Variants in FYB2 observed in about 807,000 individuals in gnomAD.
FYB2 encodes the protein FYN binding protein 2, also known as FYN-binding protein 2.
Under a neutral mutation model 94.1 loss-of-function variants are expected in FYB2, and 103 were observed. That is an observed-to-expected ratio of 1.09 (90% confidence interval 0.93 to 1.29). The LOEUF (loss-of-function observed/expected upper bound fraction) is 1.29, where lower values mean the gene tolerates loss of function less well. Ranked by LOEUF, FYB2 falls within the 50% of genes most tolerant of loss-of-function variation. FYB2 has a pLI of 0.00. For synonymous variants in FYB2, 293 were observed against 287.9 expected, an observed-to-expected ratio of 1.02 and a Z score of -0.18; for missense variants, 896 against 841.5, an observed-to-expected ratio of 1.06 and a Z score of -0.80.
chr1:56,753,694 A>C (rs1317111256), intron 8 of FYB2, 145 bp downstream of exon 8: 1 of 610,116 alleles, frequency 1.6e-6, no homozygotes, highest in African/African-American at 1.9e-5. Context: ...TGTCATTGTT[A>C]CATTTATTTC....
At chr1:56,776,808 A>G (rs1203303078) in intron 4 of FYB2, among the ~76,000 whole-genome samples, 4 of 152,178 alleles carry the variant, frequency 2.6e-5, no homozygotes, top group Non-Finnish European at 5.9e-5. Flanking sequence ...TTACAAACAA[A>G]CAACAAATCT....
chr1:56,790,405 T>C (rs1646233022), intron 2 of FYB2, among the ~76,000 whole-genome samples: 1 of 152,254 alleles, frequency 6.6e-6, no homozygotes, highest in Non-Finnish European at 1.5e-5. Context: ...ATACTAATTA[T>C]CACTAATTGG....
rs1300794822 is a variant in FYB2, at chr1:56,757,750, C to A, written c.1098+966G>T. 1.4e-4 allele frequency among the ~76,000 whole-genome samples: 10 copies of A among 71,574 alleles called. No individual in the cohort carries two copies. In the Admixed American group the frequency reaches 1.5e-3, roughly 11 times the overall value. 47.0% of individuals were successfully genotyped at this position (71,574 alleles called of 152,430 possible). A position where few individuals can be genotyped will look rare whatever the true frequency, so the allele number is the denominator to read the frequency against. On this transcript the variant is annotated intron_variant, in intron 6 of 19. Transcript: ENST00000343433. ...TCTTTCTTTCATTCTTTCTTTCTTT[C>A]TTTCTTTTCATTCTTTCTTTTTCTT...
intron 8 of FYB2, among the ~76,000 whole-genome samples, chr1:56,753,209 G>T (rs1039779477): frequency 5.3e-5 from 8 of 152,054 alleles, no homozygotes; most frequent in African/African-American, 1.9e-4. Context: ...AGCCCTGGTG[G>T]TGTCTATTGT....
upstream of FYB2, chr1:56,819,592 C>A (rs1200798554): frequency 3.7e-6 from 2 of 540,680 alleles, no homozygotes; most frequent in Admixed American, 3.2e-5. Flanking sequence ...CGGCTCTTCC[C>A]GTTGCTCCCC....
intron 13 of FYB2, among the ~76,000 whole-genome samples, chr1:56,739,889 TTAACA>T (rs1351885918): frequency 6.6e-6 from 1 of 152,104 alleles, no homozygotes; most frequent in African/African-American, 2.4e-5. Context: ...GACTTTTAAC[TTAACA>T]TATTTTAGAG....
chr1:56,793,388 T>C (rs1646319572), intron 1 of FYB2, among the ~76,000 whole-genome samples: 1 of 151,946 alleles, frequency 6.6e-6, no homozygotes, highest in African/African-American at 2.4e-5. Context: ...CTTCGCTGCC[T>C]ACTAATCCAT....
chr1:56,742,515 C>T (rs139475749), intron 11 of FYB2, among the ~76,000 whole-genome samples: 3,127 of 152,176 alleles, frequency 0.021, 47 homozygotes, highest in Non-Finnish European at 0.032. Context: ...TTCCACCCTC[C>T]CTCCTTCCTG....
chr1:56,728,001 A>T (rs934880385), intron 15 of FYB2, among the ~76,000 whole-genome samples: 24 of 152,150 alleles, frequency 1.6e-4, no homozygotes, highest in Admixed American at 1.5e-3. Context: ...AACCTGGGCA[A>T]CATAGTAAGA....
intron 6 of FYB2, among the ~76,000 whole-genome samples, chr1:56,757,695 T>TTTCTTTCTTTCTTTC (rs1645376975): frequency 4.0e-5 from 3 of 75,606 alleles, no homozygotes; most frequent in African/African-American, 1.7e-4. Flanking sequence ...TCCTTCTTTC[T>TTTCTTTCTTTCTTTC]TTCTTTCTTT....
At chr1:56,759,548 C>T (rs1645438028) in intron 5 of FYB2, among the ~76,000 whole-genome samples, 1 of 152,126 alleles carries the variant, frequency 6.6e-6, no homozygotes, top group African/African-American at 2.4e-5. Flanking sequence ...ACAGTATTAT[C>T]ATCTTATGGG....
chr1:56,750,039 T>A (rs1345004599), intron 9 of FYB2, among the ~76,000 whole-genome samples: 2 of 151,988 alleles, frequency 1.3e-5, no homozygotes, highest in Non-Finnish European at 2.9e-5. Flanking sequence ...TTAAATTGGG[T>A]TTCTCCTGTG....
Position 56,808,045 on chromosome 1 carries a change from A to G in FYB2, c.9+11237T>C, listed in dbSNP as rs1041800767. On this transcript the variant is annotated intron_variant, in intron 1 of 19. Transcript: ENST00000343433. ...TGTCAAAGTTTGCATTGTTGTCAAGAGGTAAGTTTGGATTTAACAATGAGG... is the reference window on the plus strand; with the variant it reads ...TGTCAAAGTTTGCATTGTTGTCAAGGGGTAAGTTTGGATTTAACAATGAGG... Among the ~76,000 whole-genome samples the G allele has an allele frequency of 3.9e-5, 6 of 152,152 alleles. No homozygotes were observed. The South Asian group carries it at 1.0e-3, about 26-fold the overall frequency.
intron 9 of FYB2, among the ~76,000 whole-genome samples, chr1:56,745,779 TA>T (rs1476858524): frequency 2.0e-5 from 3 of 152,056 alleles, no homozygotes; most frequent in Non-Finnish European, 4.4e-5. Context: ...TGGTAAATGC[TA>T]AAGTTCTTGC....
At chr1:56,721,687 C>A (rs1342514) in intron 17 of FYB2, among the ~76,000 whole-genome samples, 2 of 151,884 alleles carry the variant, frequency 1.3e-5, no homozygotes, top group African/African-American at 2.4e-5. Context: ...TCTTTGTCCC[C>A]TTTACTGAAG....
At chr1:56,787,079 C>A in intron 4 of FYB2, 96 bp downstream of exon 4, 1 of 1,335,044 alleles carries the variant, frequency 7.5e-7, no homozygotes, top group South Asian at 1.2e-5. Context: ...CTGAGAAATA[C>A]AGATTCTTGG....
At chr1:56,757,687 C>CTTCTTTCTTTCTTTCTTTCTTTCTTTCT (rs1191302491) in intron 6 of FYB2, among the ~76,000 whole-genome samples, 1 of 71,938 alleles carries the variant, frequency 1.4e-5, no homozygotes, top group Admixed American at 1.8e-4. Flanking sequence ...TCCTTCCTTC[C>CTTCTTTCTTTCTTTCTTTCTTTCTTTCT]TTCTTTCTTT....
In FYB2 at chr1:56,719,303, A is replaced by G. The variant is rs1235655493; in HGVS notation, c.*368T>C. The G allele has an allele frequency of 1.6e-5, 3 of 184,558 alleles. No homozygotes were observed. The highest frequency in any genetic ancestry group is 2.3e-5 in the Non-Finnish European group (2 of 88,514). The allele number at this position is 184,558 out of a possible 1,614,324, so 11.4% of individuals were successfully genotyped here. A position where few individuals can be genotyped will look rare whatever the true frequency, so the allele number is the denominator to read the frequency against. On this transcript the variant is annotated 3_prime_UTR_variant, in exon 20 of 20. Transcript: ENST00000343433. ...ACATCTAGAAATTACAAATGCTCAT[A>G]TACTAATATTAGAAGCAAACTAACC...
intron 9 of FYB2, among the ~76,000 whole-genome samples, chr1:56,744,523 T>C (rs1327915971): frequency 2.0e-5 from 3 of 152,030 alleles, no homozygotes; most frequent in South Asian, 4.1e-4. Context: ...TACATATTTA[T>C]GAAGGGTGCT....
Sources: allele counts gnomAD v4.1 joint callset (sites outside exome capture counted in the v4.1 genomes callset), GRCh38; gene constraint gnomAD v4.1.1; transcripts MANE v1.5; gene names NCBI Gene and HGNC (gene_info 2026-07-23, HGNC 2026-07-21).